Variants in SP2 observed in about 807,000 individuals in gnomAD.
SP2 encodes transcription factor Sp2.
In SP2, 9 loss-of-function variants were observed where a neutral mutation model predicts 50.1. The observed-to-expected ratio is 0.18, with a 90% CI of 0.11 to 0.31. The LOEUF is 0.31. Among genes scored for constraint, SP2 ranks in the 10% least tolerant of loss-of-function variants. The pLI is 1.00. For synonymous variants in SP2, 313 were observed against 326.6 expected, an observed-to-expected ratio of 0.96 and a Z score of 0.45; for missense variants, 581 against 806.5, an observed-to-expected ratio of 0.72 and a Z score of 3.39.
chr17:47,902,952 C>T (rs1284230930), intron 1 of SP2, among the ~76,000 whole-genome samples: 1 of 152,062 alleles, frequency 6.6e-6, no homozygotes, highest in Non-Finnish European at 1.5e-5. Context: ...GACGAGGTTT[C>T]GCCATGTTGG....
chr17:47,920,648 T>C (rs12602894), intron 3 of SP2, among the ~76,000 whole-genome samples: 146,941 of 151,708 alleles, frequency 0.97, 71,303 homozygotes, highest in East Asian at 1. Flanking sequence ...GTCTCGAACT[T>C]CTGACCTTAT....
At chr17:47,911,604 C>T (rs1338926690) in intron 1 of SP2, among the ~76,000 whole-genome samples, 2 of 151,930 alleles carry the variant, frequency 1.3e-5, no homozygotes, top group African/African-American at 4.8e-5. Flanking sequence ...GTCAGGAGCT[C>T]GAGACCATTC....
intron 3 of SP2, 123 bp downstream of exon 3, chr17:47,917,253 T>C (rs1253907960): frequency 9.4e-7 from 1 of 1,059,762 alleles, no homozygotes; most frequent in Admixed American, 2.5e-5. Flanking sequence ...TCTTTTGGGG[T>C]GGGCAGTAAG....
chr17:47,921,847 C>T (rs1598161376), intron 3 of SP2, among the ~76,000 whole-genome samples: 1 of 152,212 alleles, frequency 6.6e-6, no homozygotes, highest in Admixed American at 6.5e-5. Flanking sequence ...CTGGGCATGG[C>T]TGGTCCCAGC....
downstream of SP2, among the ~76,000 whole-genome samples, chr17:47,929,513 G>A (rs543664968): frequency 5.9e-5 from 9 of 152,360 alleles, no homozygotes; most frequent in East Asian, 7.7e-4. Flanking sequence ...AGCTGCACCC[G>A]ATAGAGGACT....
At chr17:47,896,315 C>G (rs374237930) in intron 1 of SP2, 22 bp downstream of exon 1, 1 of 1,236,306 alleles carries the variant, frequency 8.1e-7, no homozygotes, top group Non-Finnish European at 1.0e-6. Flanking sequence ...CCGCTGCCGG[C>G]GGGGTCTTCC....
chr17:47,923,411 C>T (rs1288164474), intron 4 of SP2, 137 bp downstream of exon 4: 8 of 684,360 alleles, frequency 1.2e-5, no homozygotes, highest in Non-Finnish European at 1.7e-5. Context: ...CGTCCACCTG[C>T]AGCTTCTCAC....
At chr17:47,917,162 C>G in intron 3 of SP2, 32 bp downstream of exon 3, 1 of 1,553,146 alleles carries the variant, frequency 6.4e-7, no homozygotes, top group Non-Finnish European at 8.7e-7. Flanking sequence ...CCTCCTTCTC[C>G]TCCTCTGGTT....
chr17:47,921,622 G>A (rs1184777445), intron 3 of SP2, among the ~76,000 whole-genome samples: 1 of 152,200 alleles, frequency 6.6e-6, no homozygotes, highest in Non-Finnish European at 1.5e-5. Context: ...CCTAGATTTG[G>A]CCAGTGGGTG....
intron 1 of SP2, among the ~76,000 whole-genome samples, chr17:47,906,398 G>A (rs979544587): frequency 6.6e-6 from 1 of 152,182 alleles, no homozygotes; most frequent in African/African-American, 2.4e-5. Context: ...AGGCCTTGGT[G>A]TCTGCAGTTC....
chr17:47,925,253 C>T (rs2035600789), intron 5 of SP2, 95 bp from the exon 6 acceptor site: 1 of 1,417,532 alleles, frequency 7.1e-7, no homozygotes, highest in Non-Finnish European at 9.7e-7. Context: ...CTGACCTGAC[C>T]CCACATCCTC....
intron 1 of SP2, among the ~76,000 whole-genome samples, chr17:47,905,466 C>A (rs892633077): frequency 1.3e-5 from 2 of 152,200 alleles, no homozygotes; most frequent in African/African-American, 4.8e-5. Context: ...CGAGTTACCC[C>A]CAAGGCCTGG....
At chr17:47,897,949 C>T in intron 1 of SP2, 4 of 851,402 alleles carry the variant, frequency 4.7e-6, no homozygotes, top group Non-Finnish European at 5.7e-6. Context: ...AATTCTAGTT[C>T]TTCCTCTTGG....
intron 6 of SP2, 140 bp downstream of exon 6, chr17:47,925,681 C>T (rs557838374): frequency 8.8e-4 from 562 of 636,356 alleles, no homozygotes; most frequent in Non-Finnish European, 1.4e-3. Flanking sequence ...TATCTAGGGA[C>T]GACATAGGAA....
intron 1 of SP2, among the ~76,000 whole-genome samples, chr17:47,901,950 T>G (rs2034559138): frequency 6.6e-6 from 1 of 152,180 alleles, no homozygotes; most frequent in Non-Finnish European, 1.5e-5. Flanking sequence ...TTTAGGAAGC[T>G]TACATCTTAG....
chr17:47,902,562 A>G (rs1028331716), intron 1 of SP2, among the ~76,000 whole-genome samples: 1 of 152,126 alleles, frequency 6.6e-6, no homozygotes, highest in Non-Finnish European at 1.5e-5. Context: ...GATTGGGCAT[A>G]TATTTTGAAG....
At chr17:47,912,289 C>T (rs1374292544) in intron 1 of SP2, among the ~76,000 whole-genome samples, 1 of 152,174 alleles carries the variant, frequency 6.6e-6, no homozygotes. Flanking sequence ...CAGAGCTGCC[C>T]TCCAGCTCCA....
At chr17:47,904,597 G>A (rs888834505) in intron 1 of SP2, among the ~76,000 whole-genome samples, 1 of 152,066 alleles carries the variant, frequency 6.6e-6, no homozygotes, top group South Asian at 2.1e-4. Flanking sequence ...TCAGTAAAGG[G>A]TTAATGTGGA....
At chr17:47,910,669 T>C (rs894988917) in intron 1 of SP2, among the ~76,000 whole-genome samples, 3 of 152,218 alleles carry the variant, frequency 2.0e-5, no homozygotes, top group South Asian at 2.1e-4. Context: ...CTTGTAAGCA[T>C]GGCACAGACT....
Sources: gnomAD v4.1 joint callset for allele counts (sites outside exome capture counted in the v4.1 genomes callset) on GRCh38, gnomAD v4.1.1 for gene constraint, MANE v1.5 for transcripts, NCBI Gene and HGNC (gene_info 2026-07-23, HGNC 2026-07-21) for gene names.